The following TRHDE variants were observed in gnomAD, a reference collection of about 807,000 sequenced individuals.
The protein encoded by TRHDE is thyrotropin releasing hormone degrading enzyme.
Under a neutral mutation model 125.7 loss-of-function variants are expected in TRHDE, and 72 were observed. The observed-to-expected ratio is 0.57, with a 90% CI of 0.47 to 0.70. TRHDE has a LOEUF of 0.70. Among genes scored for constraint, TRHDE ranks in the 30% least tolerant of loss-of-function variants. The pLI is 0.00. For missense variants in TRHDE, 1,110 were observed against 1,327.1 expected (o/e 0.84, Z 2.54); for synonymous variants, 509 against 509.1 (o/e 1.00, Z 0.00).
At chr12:72,428,104 C>A (rs747435724) in intron 3 of TRHDE, among the ~76,000 whole-genome samples, 1 of 152,032 alleles carries the variant, frequency 6.6e-6, no homozygotes, top group Non-Finnish European at 1.5e-5. Context: ...TATTTTGGTT[C>A]ATATTATTTC....
chr12:72,434,388 CAAAAAAA>C (rs34254660), intron 3 of TRHDE, among the ~76,000 whole-genome samples: 2 of 81,982 alleles, frequency 2.4e-5, no homozygotes, highest in South Asian at 4.2e-4. Context: ...CTCTATGTCT[CAAAAAAA>C]AAAAAAAAAA....
Position 72,653,081 on chromosome 12 carries a change from A to G in TRHDE, c.2909A>G (p.His970Arg), listed in dbSNP as rs369261320. Residue 970 changes from histidine to arginine, a missense_variant, in exon 17 of 19, where the codon CAT becomes CGT. By Grantham distance (29) the His-to-Arg change is conservative. Transcript: ENST00000261180. The part of the protein sequence containing the change: ...LDQDAIDVII[H>R]VARNPHGRDL... ...CAAGATGCAATTGATGTCATAATCCATGTAGCTCGAAATCCACATGGTCGA... is the reference window on the plus strand; with the variant it reads ...CAAGATGCAATTGATGTCATAATCCGTGTAGCTCGAAATCCACATGGTCGA... 9.9e-6 allele frequency: 16 copies of G among 1,609,056 alleles called. No homozygotes were observed. Among genetic ancestry groups the G allele is most frequent in the Non-Finnish European group, 1.4e-5 (16 of 1,177,118 alleles).
chr12:72,109,540 G>T (rs972481012), intron 2 of TRHDE, among the ~76,000 whole-genome samples: 1 of 152,024 alleles, frequency 6.6e-6, no homozygotes, highest in Non-Finnish European at 1.5e-5. Context: ...TACTGTTTCC[G>T]ACTGCTATTT....
At chr12:72,422,169 G>A (rs1873982857) in intron 3 of TRHDE, among the ~76,000 whole-genome samples, 1 of 151,994 alleles carries the variant, frequency 6.6e-6, no homozygotes, top group Non-Finnish European at 1.5e-5. Flanking sequence ...TTTCTTTTCA[G>A]TTGGGGTTTT....
intron 2 of TRHDE, among the ~76,000 whole-genome samples, chr12:72,229,811 G>A (rs550901763): frequency 6.6e-6 from 1 of 152,228 alleles, no homozygotes; most frequent in East Asian, 1.9e-4. Context: ...GAGGGAAGTG[G>A]AAAACTCCCT....
chr12:72,385,174 T>C (rs936354003), intron 3 of TRHDE, among the ~76,000 whole-genome samples: 5 of 152,116 alleles, frequency 3.3e-5, no homozygotes, highest in Non-Finnish European at 7.4e-5. Flanking sequence ...ATATATAGTT[T>C]GGTAGTTTGG....
At chr12:72,459,870 G>A (rs893343091) in intron 3 of TRHDE, among the ~76,000 whole-genome samples, 2 of 152,052 alleles carry the variant, frequency 1.3e-5, no homozygotes, top group African/African-American at 2.4e-5. Flanking sequence ...CTGTTGCCTC[G>A]GCTTCTCAAT....
Position 72,642,393 on chromosome 12 carries a change from A to G in TRHDE, c.2676-9929A>G, listed in dbSNP as rs563923217. On this transcript the variant is annotated intron_variant, in intron 15 of 18. Coordinates refer to ENST00000261180, the MANE Select transcript of TRHDE (RefSeq NM_013381.3). ...TTTCACAATGATACACTGAACTTCT[A>G]TGCTTTCAAAAGTGTTATCGTACAA... 4.6e-5 allele frequency among the ~76,000 whole-genome samples: 7 copies of G among 152,322 alleles called. 1 individual carries two copies. The highest frequency in any genetic ancestry group is 7.2e-5 in the African/African-American group (3 of 41,574).
At chr12:72,234,770 C>T (rs2139376293) in intron 2 of TRHDE, among the ~76,000 whole-genome samples, 1 of 152,154 alleles carries the variant, frequency 6.6e-6, no homozygotes, top group South Asian at 2.1e-4. Flanking sequence ...GAGAAGGTTA[C>T]CTTTTAATGA....
At chr12:72,522,197 C>T (rs763034514) in intron 6 of TRHDE, among the ~76,000 whole-genome samples, 4 of 152,166 alleles carry the variant, frequency 2.6e-5, no homozygotes, top group Non-Finnish European at 5.9e-5. Flanking sequence ...TGTCTGTGCT[C>T]TTAGTCACCT....
intron 2 of TRHDE, among the ~76,000 whole-genome samples, chr12:72,295,919 C>T (rs1186228244): frequency 6.6e-6 from 1 of 152,092 alleles, no homozygotes; most frequent in Non-Finnish European, 1.5e-5. Context: ...AGTTGGATTA[C>T]AATCTATTTA....
intron 1 of TRHDE, among the ~76,000 whole-genome samples, chr12:72,098,805 G>A (rs1874997579): frequency 6.6e-6 from 1 of 152,170 alleles, no homozygotes; most frequent in Non-Finnish European, 1.5e-5. Context: ...CCTTGCTGAT[G>A]CATGAATAAG....
intron 2 of TRHDE, among the ~76,000 whole-genome samples, chr12:72,133,874 G>A (rs1875921725): frequency 6.6e-6 from 1 of 152,156 alleles, no homozygotes; most frequent in Admixed American, 6.5e-5. Context: ...TTTTCCCTGG[G>A]TGGCTGTTCT....
chr12:72,583,923 CTTTTTTTTTT>C (rs1190363456), intron 12 of TRHDE, among the ~76,000 whole-genome samples: 9 of 60,486 alleles, frequency 1.5e-4, no homozygotes, highest in Non-Finnish European at 2.2e-4. Flanking sequence ...GGATGACAAA[CTTTTTTTTTT>C]TTTTTTTTTT....
At position 72,497,199 on chromosome 12, in the gene TRHDE, C is replaced by T. The variant is rs565607252; in HGVS notation, c.1585-2299C>T. ...ACACTGGTTATTGAAATTCTACTGA[C>T]TAGGCAAGGTTTGTTTTTGTTTTCC... On this transcript the variant is annotated intron_variant, in intron 5 of 18. Coordinates refer to ENST00000261180, the MANE Select transcript of TRHDE (RefSeq NM_013381.3). Among the ~76,000 whole-genome samples the T allele has an allele frequency of 2.6e-5, 4 of 152,160 alleles. No homozygotes were observed. The South Asian group carries it at 8.3e-4, about 32-fold the overall frequency.
At chr12:72,159,934 A>G (rs1876599222) in intron 2 of TRHDE, among the ~76,000 whole-genome samples, 1 of 151,216 alleles carries the variant, frequency 6.6e-6, no homozygotes. Flanking sequence ...TACATCTCTC[A>G]TTTTATAGCA....
chr12:72,103,795 T>G (rs1194403986), intron 1 of TRHDE, among the ~76,000 whole-genome samples: 1 of 152,146 alleles, frequency 6.6e-6, no homozygotes, highest in South Asian at 2.1e-4. Flanking sequence ...GACAGGGATG[T>G]AGAAAATAAT....
At chr12:72,108,210 G>A (rs982760811) in intron 2 of TRHDE, among the ~76,000 whole-genome samples, 1 of 152,042 alleles carries the variant, frequency 6.6e-6, no homozygotes, top group Admixed American at 6.6e-5. Context: ...TGATTGTAGG[G>A]CAGCAAAACT....
chr12:72,095,868 T>C (rs1430147679), intron 1 of TRHDE, among the ~76,000 whole-genome samples: 1 of 152,200 alleles, frequency 6.6e-6, no homozygotes, highest in Non-Finnish European at 1.5e-5. Context: ...GAGATTAACA[T>C]TTAAATCAGT....
Sources: gnomAD v4.1 joint callset for allele counts (sites outside exome capture counted in the v4.1 genomes callset) on GRCh38, gnomAD v4.1.1 for gene constraint, MANE v1.5 for transcripts, NCBI Gene and HGNC (gene_info 2026-07-23, HGNC 2026-07-21) for gene names.